The following IGSF11 variants were observed in gnomAD, a reference collection of about 807,000 sequenced individuals.
IGSF11 encodes CXADR like 1.
In IGSF11, 22 loss-of-function variants were observed where a neutral mutation model predicts 41.0. The ratio of observed to expected loss-of-function variants is 0.54; its 90% confidence interval spans 0.38 to 0.77. The LOEUF is 0.77. Among genes scored for constraint, IGSF11 ranks in the 30% least tolerant of loss-of-function variants. The pLI is 0.00. For synonymous variants in IGSF11, 219 were observed against 201.3 expected (o/e 1.09, Z -0.74); for missense variants, 444 against 530.8 (o/e 0.84, Z 1.61).
intron 1 of IGSF11, among the ~76,000 whole-genome samples, chr3:119,091,875 A>C (rs1290453395): frequency 6.6e-6 from 1 of 151,972 alleles, no homozygotes; most frequent in Non-Finnish European, 1.5e-5. Context: ...TTTAAATAGG[A>C]AAATAAAAAT....
chr3:118,912,508 C>T (rs946721398), intron 4 of IGSF11, among the ~76,000 whole-genome samples: 1 of 152,176 alleles, frequency 6.6e-6, no homozygotes, highest in African/African-American at 2.4e-5. Context: ...AGCCGCCCGA[C>T]CACACTCACT....
intron 1 of IGSF11, among the ~76,000 whole-genome samples, chr3:118,933,482 A>ATATATG (rs1559920259): frequency 6.7e-6 from 1 of 150,032 alleles, no homozygotes; most frequent in African/African-American, 2.5e-5. Flanking sequence ...ATATATATAT[A>ATATATG]TATATATACA....
At chr3:119,064,318 T>C (rs1942150347) in intron 1 of IGSF11, among the ~76,000 whole-genome samples, 1 of 152,206 alleles carries the variant, frequency 6.6e-6, no homozygotes, top group Non-Finnish European at 1.5e-5. Flanking sequence ...TTAAAACAAC[T>C]GCAGCATAGC....
chr3:118,905,789 A>T (rs1939515079), intron 4 of IGSF11, 71 bp from the exon 5 acceptor site: 1 of 1,555,312 alleles, frequency 6.4e-7, no homozygotes. Context: ...TCAGCGGAAG[A>T]CCATAAAAAC....
chr3:119,123,254 TC>T (rs1182693468), intron 1 of IGSF11, among the ~76,000 whole-genome samples: 1 of 152,164 alleles, frequency 6.6e-6, no homozygotes, highest in Admixed American at 6.5e-5. Flanking sequence ...AGGGTCAGGT[TC>T]CTTTGCCTGT....
At chr3:118,956,449 G>C (rs1474626203) in intron 1 of IGSF11, among the ~76,000 whole-genome samples, 1 of 152,174 alleles carries the variant, frequency 6.6e-6, no homozygotes, top group African/African-American at 2.4e-5. Context: ...TAAAGCAAGA[G>C]ATGTGTAGCT....
At chr3:119,097,609 G>A (rs2076875012) in intron 1 of IGSF11, among the ~76,000 whole-genome samples, 1 of 152,074 alleles carries the variant, frequency 6.6e-6, no homozygotes, top group Non-Finnish European at 1.5e-5. Context: ...CCTCCAGTTT[G>A]GCCTCTATCA....
chr3:119,079,373 G>C (rs1300168668), intron 1 of IGSF11, among the ~76,000 whole-genome samples: 1 of 151,388 alleles, frequency 6.6e-6, no homozygotes, highest in Non-Finnish European at 1.5e-5. Context: ...AAAAAAAAAA[G>C]TTAAAAAATA....
rs1418415162 is a variant in IGSF11 at position 118,919,835 on chromosome 3, CA to C, written c.580+6265del. 3.6e-4 allele frequency among the ~76,000 whole-genome samples: 27 copies of C among 75,656 alleles called. No individual in the cohort carries two copies. In the East Asian group the frequency reaches 6.6e-3, roughly 19 times the overall value. The allele number at this position is 75,656 out of a possible 152,430, so 49.6% of individuals were successfully genotyped here. A position where few individuals can be genotyped will look rare whatever the true frequency, so the allele number is the denominator to read the frequency against. On this transcript the variant is annotated intron_variant, in intron 4 of 6. Transcript: ENST00000393775. ...CGTATGTTTATTGCGGCATTATTCA[CA>C]ATAGCAAAGACTTGGAACCAACCCA...
intron 1 of IGSF11, among the ~76,000 whole-genome samples, chr3:119,090,318 T>C (rs143080720): frequency 2.2e-4 from 34 of 152,136 alleles, no homozygotes; most frequent in African/African-American, 8.0e-4. Context: ...CCAAAGCAAT[T>C]TACAGATTTG....
At chr3:118,969,049 A>C (rs1933059066) in intron 1 of IGSF11, among the ~76,000 whole-genome samples, 1 of 152,258 alleles carries the variant, frequency 6.6e-6, no homozygotes. Context: ...ACCATATGCT[A>C]GCATTCAAGA....
At chr3:118,927,798 T>C (rs1485450524) in intron 3 of IGSF11, among the ~76,000 whole-genome samples, 1 of 152,202 alleles carries the variant, frequency 6.6e-6, no homozygotes, top group Non-Finnish European at 1.5e-5. Flanking sequence ...CAGTATTTTA[T>C]ATTAGAGACA....
At chr3:119,033,872 A>C (rs576054744) in intron 1 of IGSF11, among the ~76,000 whole-genome samples, 1 of 152,258 alleles carries the variant, frequency 6.6e-6, no homozygotes, top group Non-Finnish European at 1.5e-5. Context: ...AGCTAAATTT[A>C]TAAACAGATG....
intron 1 of IGSF11, among the ~76,000 whole-genome samples, chr3:118,991,600 A>G (rs767764247): frequency 9.2e-5 from 14 of 152,234 alleles, no homozygotes; most frequent in Non-Finnish European, 1.6e-4. Context: ...TTTAACATAA[A>G]ATCATCAACT....
At chr3:118,944,605 ACTTC>A (rs1943977667) in intron 1 of IGSF11, among the ~76,000 whole-genome samples, 3 of 152,028 alleles carry the variant, frequency 2.0e-5, no homozygotes, top group Admixed American at 1.3e-4. Context: ...GACACCCTGT[ACTTC>A]CTTGATATAG....
At chr3:118,933,470 T>TATATATATATATATA (rs59418588) in intron 1 of IGSF11, among the ~76,000 whole-genome samples, 3 of 146,144 alleles carry the variant, frequency 2.1e-5, no homozygotes, top group African/African-American at 7.7e-5. Flanking sequence ...CATGTATTTT[T>TATATATATATATATA]TATATATATA....
intron 1 of IGSF11, among the ~76,000 whole-genome samples, chr3:118,948,998 C>T: frequency 6.9e-6 from 1 of 145,142 alleles, no homozygotes; most frequent in African/African-American, 2.5e-5. Flanking sequence ...AGCAAGCAAA[C>T]ATTACATTTA....
chr3:119,047,595 G>C (rs1405789006), intron 1 of IGSF11, among the ~76,000 whole-genome samples: 5 of 152,140 alleles, frequency 3.3e-5, no homozygotes, highest in Admixed American at 3.3e-4. Context: ...CAATGAGACA[G>C]AAAGTCAACA....
At chr3:119,078,323 A>G (rs553835523) in intron 1 of IGSF11, among the ~76,000 whole-genome samples, 2 of 152,320 alleles carry the variant, frequency 1.3e-5, no homozygotes, top group Non-Finnish European at 2.9e-5. Flanking sequence ...AACAGAGACC[A>G]TGACCAATGG....
Sources: gnomAD v4.1 joint callset for allele counts (sites outside exome capture counted in the v4.1 genomes callset) on GRCh38, gnomAD v4.1.1 for gene constraint, MANE v1.5 for transcripts, NCBI Gene and HGNC (gene_info 2026-07-23, HGNC 2026-07-21) for gene names.